Variants in PTCHD1 observed in about 807,000 individuals in gnomAD.
PTCHD1 encodes the protein patched domain-containing protein 1.
In PTCHD1, 3 loss-of-function variants were observed where a neutral mutation model predicts 34.6. The observed-to-expected ratio is 0.09, with a 90% CI of 0.04 to 0.22. The LOEUF is 0.22. PTCHD1 is among the 10% of genes least tolerant of loss of function. The pLI is 1.00. For synonymous variants in PTCHD1, 305 were observed against 283.1 expected, an observed-to-expected ratio of 1.08 and a Z score of -0.77; for missense variants, 504 against 685.5, an observed-to-expected ratio of 0.74 and a Z score of 2.96.
At chrX:23,341,225 T>G (rs7879064) in intron 1 of PTCHD1, among the ~76,000 whole-genome samples, 36,431 of 110,523 alleles carry the variant, frequency 0.33, 5,222 homozygotes, top group African/African-American at 0.56. Context: ...AGATGCCATA[T>G]TAGAGTTAGG....
chrX:23,361,207 T>A (rs1223806856), intron 1 of PTCHD1, among the ~76,000 whole-genome samples: 2 of 111,577 alleles, frequency 1.8e-5, no homozygotes, highest in Admixed American at 1.9e-4. Context: ...ATTTCCATGT[T>A]AACCTTCTTT....
intron 1 of PTCHD1, among the ~76,000 whole-genome samples, chrX:23,376,560 A>G (rs751557570): frequency 2.7e-5 from 3 of 112,462 alleles, no homozygotes; most frequent in South Asian, 3.7e-4. Flanking sequence ...TAGCATGCGC[A>G]GTATATCTGC....
At position 23,371,214 on chromosome X, in the gene PTCHD1, T is replaced by C. The variant is rs745565584; in HGVS notation, c.352-8377T>C. On this transcript the variant is annotated intron_variant, in intron 1 of 2. Coordinates refer to ENST00000379361, the MANE Select transcript of PTCHD1 (RefSeq NM_173495.3). ...ATTCCCATAATTCAGATAACAAAAC[T>C]GAATTAAAAATCTAAATTCACTGTC... Among the ~76,000 whole-genome samples, 98 of 112,222 alleles carry C rather than the reference T, an allele frequency of 8.7e-4. 1 individual carries two copies. Among genetic ancestry groups the C allele is most frequent in the Admixed American group, 1.6e-3 (17 of 10,625 alleles).
intron 1 of PTCHD1, among the ~76,000 whole-genome samples, chrX:23,355,478 T>C (rs1260451912): frequency 8.8e-6 from 1 of 113,055 alleles, no homozygotes; most frequent in Non-Finnish European, 1.9e-5. Context: ...AAAGCTCTCA[T>C]AGCCATTATA....
rs764275137 is a variant in PTCHD1 at position 23,393,690 on chromosome X, C to T, written c.2172C>T (p.Asn724=). Residue 724 remains asparagine, a synonymous_variant, in exon 3 of 3, where the codon AAC becomes AAT. Transcript: ENST00000379361. ...TCCTGGTGGCAGATTCACTGATTAA[C>T]GTCTGGATCACTCTCACAGTTGTGT... is the stretch of plus-strand genomic sequence containing the variant. ...SAFLVADSLI[N]VWITLTVVSV... 4.1e-6 allele frequency: 5 copies of T among 1,210,021 alleles called. No homozygotes were observed. Among genetic ancestry groups the T allele is most frequent in the African/African-American group, 1.7e-5 (1 of 57,225 alleles).
In PTCHD1 at chrX:23,403,112, C is replaced by T; in HGVS notation, c.*8927C>T. On this transcript the variant is annotated 3_prime_UTR_variant, in exon 3 of 3. Coordinates refer to ENST00000379361, the MANE Select transcript of PTCHD1 (RefSeq NM_173495.3). ...GCATATTACATTGTAAAGTTTTGGG[C>T]TAAATCACAATACATTTTTAAGTTG... is the stretch of plus-strand genomic sequence containing the variant. The T allele has an allele frequency of 8.9e-6, 1 of 112,362 alleles. No homozygotes were observed. The highest frequency in any genetic ancestry group is 1.9e-5 in the Non-Finnish European group (1 of 53,258). The allele number at this position is 112,362 out of a possible 1,213,427, so 9.3% of individuals were successfully genotyped here. A position where few individuals can be genotyped will look rare whatever the true frequency, so the allele number is the denominator to read the frequency against.
At position 23,343,227 on chromosome X, in the gene PTCHD1, A is replaced by G. The variant is rs990497341; in HGVS notation, c.351+8001A>G. ...AAATCTTGGTTTCAAACTTGTTGAT[A>G]AGCAATAAGCATCCATTCTGTTTCC... On this transcript the variant is annotated intron_variant, in intron 1 of 2. Coordinates refer to ENST00000379361, the MANE Select transcript of PTCHD1 (RefSeq NM_173495.3). 2.7e-5 allele frequency among the ~76,000 whole-genome samples: 3 copies of G among 112,691 alleles called. No individual in the cohort carries two copies. In the South Asian group the frequency reaches 1.1e-3, roughly 41 times the overall value.
chrX:23,376,517 C>A (rs1024026285), intron 1 of PTCHD1, among the ~76,000 whole-genome samples: 2 of 112,106 alleles, frequency 1.8e-5, no homozygotes, highest in Non-Finnish European at 3.8e-5. Context: ...TAAATCAGGG[C>A]ACTCTAAAAC....
chrX:23,358,826 A>G (rs768397351), intron 1 of PTCHD1, among the ~76,000 whole-genome samples: 113 of 112,176 alleles, frequency 1.0e-3, no homozygotes, highest in Middle Eastern at 4.6e-3. Context: ...ATTTTTGTAT[A>G]AGGTGTAAGG....
chrX:23,397,351 C>T lies in PTCHD1; in HGVS notation c.*3166C>T, dbSNP rs943111007. The T allele has an allele frequency of 8.9e-6, 1 of 111,985 alleles. No individual in the cohort carries two copies. The allele number at this position is 111,985 out of a possible 1,213,427, so 9.2% of individuals were successfully genotyped here. A position where few individuals can be genotyped will look rare whatever the true frequency, so the allele number is the denominator to read the frequency against. On this transcript the variant is annotated 3_prime_UTR_variant, in exon 3 of 3. Coordinates refer to ENST00000379361, the MANE Select transcript of PTCHD1 (RefSeq NM_173495.3). ...TTGAAATAGGGCATTATTGTTTAGCCTACAGCAACATTTCAACAAGCAGCA... is the reference window on the plus strand; with the variant it reads ...TTGAAATAGGGCATTATTGTTTAGCTTACAGCAACATTTCAACAAGCAGCA...
At position 23,404,013 on chromosome X, in the gene PTCHD1, A is replaced by T. The variant is rs904900552; in HGVS notation, c.*9828A>T. ...AAAACCATCCCACTGATGATTGGCA[A>T]TTCCACCGTTCCTCTCCATCTGACC... On this transcript the variant is annotated 3_prime_UTR_variant, in exon 3 of 3. Coordinates refer to ENST00000379361, the MANE Select transcript of PTCHD1 (RefSeq NM_173495.3). The T allele has an allele frequency of 8.9e-6, 1 of 112,097 alleles. No homozygotes were observed. Among genetic ancestry groups the T allele is most frequent in the African/African-American group, 3.2e-5 (1 of 30,796 alleles). The allele number at this position is 112,097 out of a possible 1,213,427, so 9.2% of individuals were successfully genotyped here. A position where few individuals can be genotyped will look rare whatever the true frequency, so the allele number is the denominator to read the frequency against.
In PTCHD1 at chrX:23,349,881, G is replaced by A. The variant is rs1311818855; in HGVS notation, c.351+14655G>A. 2.7e-5 allele frequency among the ~76,000 whole-genome samples: 3 copies of A among 109,271 alleles called. No homozygotes were observed. In the Admixed American group the frequency reaches 2.9e-4, roughly 11 times the overall value. 94.9% of individuals were successfully genotyped at this position (109,271 alleles called of 115,157 possible). On this transcript the variant is annotated intron_variant, in intron 1 of 2. Coordinates refer to ENST00000379361, the MANE Select transcript of PTCHD1 (RefSeq NM_173495.3). ...AAGGGTACCTCTTACAGAAGTGTAG[G>A]GGTTAAATAGGAGAAGCAAAACACT...
chrX:23,374,280 C>T (rs925107673), intron 1 of PTCHD1, among the ~76,000 whole-genome samples: 1 of 24,543 alleles, frequency 4.1e-5, no homozygotes, highest in African/African-American at 9.6e-5. Context: ...GAAACAAATA[C>T]AAAAAAAAAA....
chrX:23,344,956 G>A (rs992952240), intron 1 of PTCHD1, among the ~76,000 whole-genome samples: 2 of 111,703 alleles, frequency 1.8e-5, no homozygotes, highest in African/African-American at 6.5e-5. Flanking sequence ...GGGAAATCTC[G>A]TCCACATAAG....
Position 23,394,084 on chromosome X carries a change from A to G in PTCHD1, c.2566A>G (p.Arg856Gly). Residue 856 changes from arginine (R) to glycine (G), a missense_variant, in exon 3 of 3, where the codon AGG becomes GGG. Arg to Gly is a moderately radical substitution (Grantham distance 125, BLOSUM62 -2). Coordinates refer to ENST00000379361, the MANE Select transcript of PTCHD1 (RefSeq NM_173495.3). ...TTTCCTGCCACCCTCTAAGAAAAAAAGGAAAGAGAAGAAAAATCCTGAGAA... is the reference window on the plus strand; with the variant it reads ...TTTCCTGCCACCCTCTAAGAAAAAAGGGAAAGAGAAGAAAAATCCTGAGAA... ...LTFLPPSKKK[R>G]KEKKNPENRE... is the part of the protein sequence containing the mutation. The G allele has an allele frequency of 8.3e-7, 1 of 1,209,641 alleles. No homozygotes were observed. Among genetic ancestry groups the G allele is most frequent in the Non-Finnish European group, 1.1e-6 (1 of 894,299 alleles).
At chrX:23,386,751 C>T (rs911511889) in intron 2 of PTCHD1, among the ~76,000 whole-genome samples, 15 of 112,636 alleles carry the variant, frequency 1.3e-4, no homozygotes, top group African/African-American at 3.5e-4. Flanking sequence ...ATTTTTGAGA[C>T]GAATGTAGTA....
chrX:23,345,840 A>G (rs1921461423), intron 1 of PTCHD1, among the ~76,000 whole-genome samples: 1 of 112,068 alleles, frequency 8.9e-6, no homozygotes. Flanking sequence ...GAATGATGCT[A>G]TAATAGCTCT....
intron 1 of PTCHD1, among the ~76,000 whole-genome samples, chrX:23,373,190 T>C (rs1194830953): frequency 8.8e-6 from 1 of 113,030 alleles, no homozygotes; most frequent in East Asian, 2.8e-4. Flanking sequence ...CAGCCAAGCC[T>C]GCAAAGACAA....
At chrX:23,375,287 CTTTTTT>C (rs72075900) in intron 1 of PTCHD1, among the ~76,000 whole-genome samples, 2 of 83,724 alleles carry the variant, frequency 2.4e-5, no homozygotes, top group African/African-American at 9.6e-5. Context: ...GCTGACAATT[CTTTTTT>C]TTTTTTTTTT....
Sources: allele counts gnomAD v4.1 joint callset (sites outside exome capture counted in the v4.1 genomes callset), GRCh38; gene constraint gnomAD v4.1.1; transcripts MANE v1.5; gene names NCBI Gene and HGNC (gene_info 2026-07-23, HGNC 2026-07-21).